TRPM8: variants seen among roughly 807,000 people sequenced by gnomAD.
TRPM8 encodes TRPM8 cationic channel.
In TRPM8, 110 loss-of-function variants were observed where a neutral mutation model predicts 133.7. That is an observed-to-expected ratio of 0.82 (90% CI 0.70 to 0.96). TRPM8 has a LOEUF of 0.96. Among genes scored for constraint, TRPM8 ranks in the 40% least tolerant of loss-of-function variants. The pLI is 0.00. For synonymous variants in TRPM8, 535 were observed against 532.3 expected (o/e 1.01, Z -0.07); for missense variants, 1,291 against 1,379.5 (o/e 0.94, Z 1.02).
intron 17 of TRPM8, among the ~76,000 whole-genome samples, chr2:233,972,869 G>C (rs1305789055): frequency 6.6e-6 from 1 of 152,238 alleles, no homozygotes. Flanking sequence ...TTCCCTGCAA[G>C]CTGAGGGTGC....
intron 6 of TRPM8, chr2:233,943,067 C>CTTTT (rs67315288): frequency 1.5e-4 from 26 of 178,520 alleles, no homozygotes; most frequent in East Asian, 4.4e-4. Flanking sequence ...ACTGCAGTAT[C>CTTTT]TTTTTTTTTT....
intron 25 of TRPM8, 171 bp downstream of exon 25, chr2:234,014,825 G>A (rs1366222032): frequency 2.4e-6 from 1 of 410,428 alleles, no homozygotes; most frequent in East Asian, 4.9e-5. Flanking sequence ...ACAAGTTGAA[G>A]TTCCTCCTCA....
intron 1 of TRPM8, among the ~76,000 whole-genome samples, chr2:233,924,047 G>T (rs1014926368): frequency 1.3e-5 from 2 of 152,190 alleles, no homozygotes; most frequent in East Asian, 1.9e-4. Flanking sequence ...GTGTTGGGGG[G>T]AAAGTGTTGA....
Position 233,960,806 on chromosome 2 carries a change from G to T in TRPM8, c.1393G>T (p.Ala465Ser). The change falls in exon 12 of 26, where the codon GCT becomes TCT. Residue 465 changes from alanine (A) to serine (S), a missense_variant. Physicochemically the swap from Ala to Ser is moderately conservative, Grantham distance 99. This residue lies in a region of TRPM8 where 963 missense variants were observed against 968.9 expected (regional missense o/e 0.99). Transcript: ENST00000324695. ...TGACCTTCAAGAAGTCATGTTTACG[G>T]CTCTCATAAAGGACAGACCCAAGTT... is the stretch of plus-strand genomic sequence containing the variant. ...SADLQEVMFT[A>S]LIKDRPKFVR... is the part of the protein sequence containing the mutation. 6.2e-7 allele frequency: 1 copy of T among 1,614,080 alleles called. No individual in the cohort carries two copies. Among genetic ancestry groups the T allele is most frequent in the Non-Finnish European group, 8.5e-7 (1 of 1,179,990 alleles).
Position 233,966,677 on chromosome 2 carries a change from A to G in TRPM8, c.1947A>G (p.Glu649=), listed in dbSNP as rs761383002. Residue 649 remains glutamate, a synonymous_variant, in exon 15 of 26, where the codon GAA becomes GAG. Coordinates refer to ENST00000324695, the MANE Select transcript of TRPM8 (RefSeq NM_024080.5). ...LAEQLLVYSC[E]AWGGSNCLEL... ...AACAGCTGCTGGTCTATTCCTGTGA[A>G]GCTTGGGGTGGAAGCAACTGTCTGG... The G allele has an allele frequency of 1.9e-6, 3 of 1,613,844 alleles. No individual in the cohort carries two copies. In the African/African-American group the frequency reaches 4.0e-5, roughly 22 times the overall value.
chr2:233,928,317 G>T (rs1268395256), intron 2 of TRPM8, among the ~76,000 whole-genome samples: 1 of 152,080 alleles, frequency 6.6e-6, no homozygotes, highest in Non-Finnish European at 1.5e-5. Context: ...TGCTGGATGG[G>T]TCTCCTCTCC....
chr2:233,920,820 A>C (rs141675208), intron 1 of TRPM8, among the ~76,000 whole-genome samples: 57 of 151,346 alleles, frequency 3.8e-4, no homozygotes, highest in African/African-American at 1.3e-3. Flanking sequence ...GAGAATTGGC[A>C]TTGGCACAAT....
chr2:233,950,521 G>A (rs974614247), intron 9 of TRPM8, among the ~76,000 whole-genome samples: 4 of 152,194 alleles, frequency 2.6e-5, no homozygotes, highest in Non-Finnish European at 5.9e-5. Context: ...GTTGAAAGAG[G>A]TGGCTTGAGG....
At chr2:233,954,105 C>T in intron 10 of TRPM8, 86 bp downstream of exon 10, 3 of 937,232 alleles carry the variant, frequency 3.2e-6, no homozygotes, top group Non-Finnish European at 4.7e-6. Context: ...TATAAAACAG[C>T]TTTATTGAAA....
At position 233,927,928 on chromosome 2, in the gene TRPM8, C is replaced by T. The variant is rs797020774; in HGVS notation, c.117+1274C>T. On this transcript the variant is annotated intron_variant, in intron 2 of 25. Coordinates refer to ENST00000324695, the MANE Select transcript of TRPM8 (RefSeq NM_024080.5). ...TTTCTTTCTCTCTCTCTCTCTTTCT[C>T]TCTCTCTCTCTCTCTCTCTCTCTCT... 5.4e-3 allele frequency among the ~76,000 whole-genome samples: 238 copies of T among 44,184 alleles called. 9 individuals carry two copies. Among genetic ancestry groups the T allele is most frequent in the African/African-American group, 0.016 (87 of 5,604 alleles). 29.0% of individuals were successfully genotyped at this position (44,184 alleles called of 152,430 possible). A position where few individuals can be genotyped will look rare whatever the true frequency, so the allele number is the denominator to read the frequency against.
chr2:234,011,475 G>T (rs1463069883), intron 24 of TRPM8, among the ~76,000 whole-genome samples: 1 of 151,744 alleles, frequency 6.6e-6, no homozygotes, highest in Admixed American at 6.6e-5. Flanking sequence ...TTTTAGGATT[G>T]TTTTCTCTAT....
intron 15 of TRPM8, among the ~76,000 whole-genome samples, chr2:233,969,479 C>T (rs1691653305): frequency 1.3e-5 from 2 of 152,060 alleles, no homozygotes; most frequent in Admixed American, 6.5e-5. Context: ...AAGCGTGAAA[C>T]TCCGTCTCAA....
intron 8 of TRPM8, among the ~76,000 whole-genome samples, chr2:233,948,649 C>T (rs189035292): frequency 1.3e-5 from 2 of 152,324 alleles, no homozygotes; most frequent in East Asian, 3.9e-4. Context: ...TAGGGAACTG[C>T]ATTTCTATGG....
At position 233,942,697 on chromosome 2, in the gene TRPM8, T is replaced by C. The variant is rs1690940078; in HGVS notation, c.648T>C (p.Ala216=). The change falls in exon 6 of 26, where the codon GCT becomes GCC. Residue 216 remains alanine, a synonymous_variant. Coordinates refer to ENST00000324695, the MANE Select transcript of TRPM8 (RefSeq NM_024080.5). The part of the protein sequence containing the change: ...EENIVAIGIA[A]WGMVSNRDTL... ...ATATTGTGGCCATTGGCATAGCAGCTTGGGGCATGGTCTCCAACCGGGACA... is the reference window on the plus strand; with the variant it reads ...ATATTGTGGCCATTGGCATAGCAGCCTGGGGCATGGTCTCCAACCGGGACA... 6.2e-7 allele frequency: 1 copy of C among 1,614,140 alleles called. No individual in the cohort carries two copies. Among genetic ancestry groups the C allele is most frequent in the Non-Finnish European group, 8.5e-7 (1 of 1,180,032 alleles).
chr2:233,988,581 G>T (rs1466096948), intron 21 of TRPM8, among the ~76,000 whole-genome samples: 3 of 152,162 alleles, frequency 2.0e-5, no homozygotes, highest in Non-Finnish European at 4.4e-5. Context: ...AGCACCAATG[G>T]TGAGTAACAA....
chr2:233,931,136 T>G (rs1691671908), intron 3 of TRPM8, among the ~76,000 whole-genome samples: 1 of 152,180 alleles, frequency 6.6e-6, no homozygotes, highest in Admixed American at 6.5e-5. Context: ...TGCTGTTGAC[T>G]TTAGGTCTTT....
intron 1 of TRPM8, among the ~76,000 whole-genome samples, chr2:233,925,531 C>A (rs7604471): frequency 0.41 from 62,868 of 151,934 alleles, 18,437 homozygotes; most frequent in African/African-American, 0.81. Flanking sequence ...GGGACCCCAG[C>A]TAGGAAAGCC....
At chr2:233,940,594 A>G (rs1169835611) in intron 5 of TRPM8, among the ~76,000 whole-genome samples, 1 of 152,202 alleles carries the variant, frequency 6.6e-6, no homozygotes, top group Non-Finnish European at 1.5e-5. Context: ...GTGATTGAGG[A>G]AGTTGAATAG....
chr2:233,961,191 A>AT (rs1278153906), intron 12 of TRPM8, 125 bp downstream of exon 12: 39 of 947,704 alleles, frequency 4.1e-5, no homozygotes, highest in Non-Finnish European at 5.4e-5. Context: ...GACAATGTTA[A>AT]TTTTTTTAAC....
Sources: allele counts gnomAD v4.1 joint callset (sites outside exome capture counted in the v4.1 genomes callset), GRCh38; gene constraint gnomAD v4.1.1; regional missense constraint gnomAD v4.1.1; transcripts MANE v1.5; gene names NCBI Gene and HGNC (gene_info 2026-07-23, HGNC 2026-07-21).